The following PPM1L variants were observed in gnomAD, a reference collection of about 807,000 sequenced individuals.
The protein encoded by PPM1L is protein phosphatase, Mg2+/Mn2+ dependent 1L, also known as protein phosphatase 1L.
In PPM1L, 13 loss-of-function variants were observed where a neutral mutation model predicts 31.4. The ratio of observed to expected loss-of-function variants is 0.41; its 90% CI spans 0.27 to 0.66. The LOEUF is 0.66. Among genes scored for constraint, PPM1L ranks in the 30% least tolerant of loss-of-function variants. The pLI is 0.29. For missense variants in PPM1L, 326 were observed against 453.7 expected, an observed-to-expected ratio of 0.72 and a Z score of 2.56; for synonymous variants, 184 against 175.4, an observed-to-expected ratio of 1.05 and a Z score of -0.39.
At chr3:160,914,795 G>A (rs1714102400) in intron 1 of PPM1L, among the ~76,000 whole-genome samples, 1 of 152,036 alleles carries the variant, frequency 6.6e-6, no homozygotes, top group African/African-American at 2.4e-5. Context: ...AATCCTTTGG[G>A]TATATACCCA....
intron 1 of PPM1L, among the ~76,000 whole-genome samples, chr3:160,794,106 C>T (rs1217912267): frequency 1.3e-5 from 2 of 150,604 alleles, no homozygotes; most frequent in Non-Finnish European, 2.9e-5. Context: ...TAACTTTGAG[C>T]ACCTCAGCCA....
At chr3:160,880,383 C>T (rs1299615598) in intron 1 of PPM1L, among the ~76,000 whole-genome samples, 1 of 152,074 alleles carries the variant, frequency 6.6e-6, no homozygotes, top group African/African-American at 2.4e-5. Context: ...GTTCAAAAAA[C>T]AAGCCTTTTG....
chr3:160,901,212 T>C (rs755246678), intron 1 of PPM1L, among the ~76,000 whole-genome samples: 10 of 152,156 alleles, frequency 6.6e-5, no homozygotes, highest in Non-Finnish European at 1.0e-4. Flanking sequence ...ATGTTTCCCA[T>C]TGTATACTTT....
intron 2 of PPM1L, among the ~76,000 whole-genome samples, chr3:161,023,176 G>T (rs1185998122): frequency 1.3e-5 from 2 of 150,026 alleles, no homozygotes; most frequent in African/African-American, 2.5e-5. Context: ...TCAGTCTTTG[G>T]CTTTTAACAG....
intron 2 of PPM1L, among the ~76,000 whole-genome samples, chr3:160,982,124 G>A (rs530689490): frequency 1.3e-5 from 2 of 152,154 alleles, no homozygotes; most frequent in African/African-American, 2.4e-5. Flanking sequence ...AAGCTGGAGT[G>A]TTGAGCCCTG....
At chr3:161,032,892 G>A (rs574100435) in intron 2 of PPM1L, among the ~76,000 whole-genome samples, 5 of 103,842 alleles carry the variant, frequency 4.8e-5, no homozygotes, top group Non-Finnish European at 7.5e-5. Flanking sequence ...TTTTTTTTTA[G>A]TAGAGATGGG....
chr3:160,866,712 C>T (rs549722593), intron 1 of PPM1L, among the ~76,000 whole-genome samples: 1 of 152,124 alleles, frequency 6.6e-6, no homozygotes, highest in African/African-American at 2.4e-5. Flanking sequence ...TAACTCATTC[C>T]CCCATATATT....
At chr3:160,888,113 A>G (rs1409526766) in intron 1 of PPM1L, among the ~76,000 whole-genome samples, 1 of 152,222 alleles carries the variant, frequency 6.6e-6, no homozygotes, top group Non-Finnish European at 1.5e-5. Flanking sequence ...ACTATGAAGA[A>G]ACTGCATCAA....
chr3:160,924,371 T>G (rs963833502), intron 1 of PPM1L, among the ~76,000 whole-genome samples: 15 of 152,314 alleles, frequency 9.8e-5, no homozygotes, highest in African/African-American at 3.1e-4. Flanking sequence ...ATTAAAACGT[T>G]TGGCTGTTCT....
intron 1 of PPM1L, among the ~76,000 whole-genome samples, chr3:160,932,068 AAGGAGGAGTG>A (rs112494073): frequency 6.2e-4 from 94 of 152,114 alleles, no homozygotes; most frequent in African/African-American, 2.0e-3. Context: ...GATCCAAGGG[AAGGAGGAGTG>A]AGGAAAACCT....
At chr3:160,836,855 T>G (rs1713732344) in intron 1 of PPM1L, among the ~76,000 whole-genome samples, 1 of 152,192 alleles carries the variant, frequency 6.6e-6, no homozygotes, top group African/African-American at 2.4e-5. Context: ...CGTGGAAGCT[T>G]TAAAAAATGT....
At chr3:160,951,068 A>G (rs1715562593) in intron 1 of PPM1L, among the ~76,000 whole-genome samples, 1 of 152,232 alleles carries the variant, frequency 6.6e-6, no homozygotes, top group Non-Finnish European at 1.5e-5. Context: ...ATAGAATGTG[A>G]AACATCTTCT....
At chr3:161,004,482 G>C (rs1162781530) in intron 2 of PPM1L, among the ~76,000 whole-genome samples, 5 of 140,744 alleles carry the variant, frequency 3.6e-5, no homozygotes, top group Non-Finnish European at 7.6e-5. Flanking sequence ...GACTCCTTTT[G>C]GTTGGTAAGC....
chr3:161,022,657 C>CTTTTTTTTTTT (rs71147399), intron 2 of PPM1L, among the ~76,000 whole-genome samples: 1 of 93,716 alleles, frequency 1.1e-5, no homozygotes, highest in Non-Finnish European at 1.9e-5. Context: ...ATTTCTCCTT[C>CTTTTTTTTTTT]TTTTTTTTTT....
chr3:160,825,190 A>AT (rs1713316364), intron 1 of PPM1L, among the ~76,000 whole-genome samples: 1 of 151,270 alleles, frequency 6.6e-6, no homozygotes, highest in East Asian at 2.0e-4. Context: ...ACAGATAGCC[A>AT]TTTGCAATGG....
intron 1 of PPM1L, among the ~76,000 whole-genome samples, chr3:160,892,273 C>G (rs575552801): frequency 1.1e-4 from 17 of 152,062 alleles, no homozygotes; most frequent in Non-Finnish European, 1.9e-4. Context: ...AGCTTTTATT[C>G]GTGGCAAAAG....
chr3:160,959,260 G>C (rs1209115223), intron 1 of PPM1L, among the ~76,000 whole-genome samples: 1 of 150,552 alleles, frequency 6.6e-6, no homozygotes, highest in Non-Finnish European at 1.5e-5. Context: ...GGATGCAAAG[G>C]CATAAGAATG....
Position 161,057,271 on chromosome 3 carries a change from C to T in PPM1L, c.575-8132C>T, listed in dbSNP as rs369728596. 4.6e-5 allele frequency among the ~76,000 whole-genome samples: 7 copies of T among 152,194 alleles called. No individual in the cohort carries two copies. In the East Asian group the frequency reaches 7.7e-4, roughly 17 times the overall value. ...CTCTGTTGTCATCCCTTCCCTCCTC[C>T]GCCTCACCTAACTAGCCACATGACC... is the stretch of plus-strand genomic sequence containing the variant. On this transcript the variant is annotated intron_variant, in intron 2 of 3. Coordinates refer to ENST00000498165, the MANE Select transcript of PPM1L (RefSeq NM_139245.4).
At chr3:160,842,336 G>A in intron 1 of PPM1L, 1 of 701,060 alleles carries the variant, frequency 1.4e-6, no homozygotes. Context: ...CATGATGGGG[G>A]GTAATGAATA....
Sources: gnomAD v4.1 joint callset for allele counts (sites outside exome capture counted in the v4.1 genomes callset) on GRCh38, gnomAD v4.1.1 for gene constraint, MANE v1.5 for transcripts, NCBI Gene and HGNC (gene_info 2026-07-23, HGNC 2026-07-21) for gene names.